MAML3: variants seen among roughly 807,000 people sequenced by gnomAD.
The protein encoded by MAML3 is mastermind-like protein 3.
A neutral mutation model predicts 101.9 loss-of-function variants in MAML3; 27 were observed. That is an observed-to-expected ratio of 0.27 (90% CI 0.20 to 0.37). The LOEUF (loss-of-function observed/expected upper bound fraction) is 0.37, where lower values mean the gene tolerates loss of function less well. Among genes scored for constraint, MAML3 ranks in the 10% least tolerant of loss-of-function variants. The probability of loss-of-function intolerance (pLI) is 1.00; values close to 1 mark genes in which losing one functional copy is unlikely to be tolerated. For missense variants in MAML3, 1,316 were observed against 1,444.9 expected (o/e 0.91, Z 1.45); for synonymous variants, 501 against 555.9 (o/e 0.90, Z 1.39).
At chr4:139,778,736 G>A (rs1022710362) in intron 2 of MAML3, among the ~76,000 whole-genome samples, 7 of 152,222 alleles carry the variant, frequency 4.6e-5, no homozygotes, top group East Asian at 1.9e-4. Flanking sequence ...TGTAATCCCA[G>A]CATTTTGGGA....
intron 2 of MAML3, among the ~76,000 whole-genome samples, chr4:139,776,326 T>C (rs1730095882): frequency 6.6e-6 from 1 of 152,200 alleles, no homozygotes; most frequent in Non-Finnish European, 1.5e-5. Context: ...GATCTGATTA[T>C]GTCTGAAATG....
intron 2 of MAML3, among the ~76,000 whole-genome samples, chr4:139,748,053 T>TAAAAAAAAAA: frequency 1.0e-5 from 1 of 95,536 alleles, no homozygotes; most frequent in Non-Finnish European, 2.1e-5. Context: ...AGACTTCGTC[T>TAAAAAAAAAA]AAAAAAAAAA....
At chr4:139,775,755 C>A (rs1475555673) in intron 2 of MAML3, among the ~76,000 whole-genome samples, 3 of 152,176 alleles carry the variant, frequency 2.0e-5, no homozygotes, top group African/African-American at 7.2e-5. Context: ...CTGTTGCTAT[C>A]ATCTGCTGAC....
At chr4:140,078,028 A>AAAATAAAT (rs34269313) in intron 1 of MAML3, among the ~76,000 whole-genome samples, 1 of 147,960 alleles carries the variant, frequency 6.8e-6, no homozygotes, top group African/African-American at 2.5e-5. Flanking sequence ...AATAAATAAA[A>AAAATAAAT]AAATAAATAA....
At chr4:140,042,274 C>T (rs1395587797) in intron 1 of MAML3, among the ~76,000 whole-genome samples, 1 of 152,136 alleles carries the variant, frequency 6.6e-6, no homozygotes, top group Non-Finnish European at 1.5e-5. Flanking sequence ...GTTTTCTGTA[C>T]CACAAAGGAC....
intron 2 of MAML3, among the ~76,000 whole-genome samples, chr4:139,809,986 A>G (rs925717246): frequency 2.0e-5 from 3 of 152,060 alleles, no homozygotes; most frequent in Admixed American, 6.6e-5. Flanking sequence ...TCAAGAGAAG[A>G]GTTTAGTAAA....
At chr4:139,982,948 G>A (rs948066027) in intron 1 of MAML3, among the ~76,000 whole-genome samples, 2 of 152,140 alleles carry the variant, frequency 1.3e-5, no homozygotes, top group African/African-American at 4.8e-5. Context: ...AAATACGACT[G>A]CTTTTGCCTT....
At chr4:139,772,517 A>T (rs1463575262) in intron 2 of MAML3, among the ~76,000 whole-genome samples, 1 of 150,944 alleles carries the variant, frequency 6.6e-6, no homozygotes, top group East Asian at 2.0e-4. Context: ...AATTTTTCGT[A>T]TTTTCAGTAG....
chr4:140,008,302 G>A (rs570884475), intron 1 of MAML3, among the ~76,000 whole-genome samples: 2 of 152,176 alleles, frequency 1.3e-5, no homozygotes, highest in East Asian at 3.9e-4. Context: ...GGCCCAGATC[G>A]CGCCACTGCA....
chr4:139,980,119 G>A (rs989705220), intron 1 of MAML3, among the ~76,000 whole-genome samples: 30 of 152,124 alleles, frequency 2.0e-4, no homozygotes, highest in African/African-American at 5.6e-4. Context: ...AGCCCAGCCC[G>A]GACTCCAGCT....
intron 2 of MAML3, among the ~76,000 whole-genome samples, chr4:139,753,341 A>AACCT (rs148111271): frequency 1.3e-4 from 19 of 146,578 alleles, no homozygotes; most frequent in African/African-American, 4.8e-4. Flanking sequence ...TTTTCTTTTT[A>AACCT]ATCTATCTAT....
intron 1 of MAML3, among the ~76,000 whole-genome samples, chr4:139,946,055 C>T (rs1733721044): frequency 6.6e-6 from 1 of 152,188 alleles, no homozygotes; most frequent in Admixed American, 6.5e-5. Context: ...ATGGTAGAAT[C>T]AGAATGGAAA....
Position 139,756,136 on chromosome 4 carries a change from C to G in MAML3, c.2080-25469G>C, listed in dbSNP as rs77529264. On this transcript the variant is annotated intron_variant, in intron 2 of 4. Coordinates refer to ENST00000509479, the MANE Select transcript of MAML3 (RefSeq NM_018717.5). ...TGAACATACTGCAGGAGTATAAGAA[C>G]AGCAAAGCATGTAGGTTGTCCGGGG... 1.1e-4 allele frequency among the ~76,000 whole-genome samples: 17 copies of G among 152,258 alleles called. No homozygotes were observed. The East Asian group carries it at 3.3e-3, about 29-fold the overall frequency.
Position 139,719,350 on chromosome 4 carries a change from C to T in MAML3, c.3390G>A (p.Glu1130=). The T allele has an allele frequency of 2.5e-6, 4 of 1,601,556 alleles. No homozygotes were observed. The highest frequency in any genetic ancestry group is 2.6e-6 in the Non-Finnish European group (3 of 1,172,030). Residue 1130 remains glutamate (E), a synonymous_variant, in exon 5 of 5, where the codon GAG becomes GAA. Transcript: ENST00000509479. ...AGGGGTTACCAAACAATTCATCAAG[C>T]TCCTGCATCCACTCGTCCCCTGGCC... The part of the protein sequence containing the change: ...KGGPGDEWMQ[E]LDELFGNP
intron 1 of MAML3, among the ~76,000 whole-genome samples, chr4:139,997,853 T>G (rs1432028611): frequency 6.6e-6 from 1 of 152,124 alleles, no homozygotes; most frequent in Non-Finnish European, 1.5e-5. Flanking sequence ...GATATCTTTT[T>G]CTTTTAGTAT....
chr4:139,753,117 C>T (rs951984163), intron 2 of MAML3, among the ~76,000 whole-genome samples: 1 of 152,140 alleles, frequency 6.6e-6, no homozygotes, highest in Non-Finnish European at 1.5e-5. Flanking sequence ...GGTTACACAC[C>T]ACTCAATTCC....
chr4:140,119,576 GATA>G (rs1201826118), intron 1 of MAML3, among the ~76,000 whole-genome samples: 1 of 148,402 alleles, frequency 6.7e-6, no homozygotes, highest in African/African-American at 2.5e-5. Flanking sequence ...GACACTTTGG[GATA>G]CACAATTTTT....
Position 139,719,776 on chromosome 4 carries a change from G to T in MAML3, c.2964C>A (p.Tyr988Ter). Reference sequence around the variant, plus strand: ...GTCTCGGCTGCCCAGCTTGAAGAGGGTAGCTGGCGCCATTGTTGAATGGTC... The same window carrying T: ...GTCTCGGCTGCCCAGCTTGAAGAGGTTAGCTGGCGCCATTGTTGAATGGTC... The part of the protein sequence containing the change: ...ELGPFNNGAS[Y>*]PLQAGQPRLT... Residue 988 changes from tyrosine to a stop codon, truncating the protein, a stop_gained, in exon 5 of 5, where the codon TAC becomes TAA. Transcript: ENST00000509479. LOFTEE classifies it high-confidence loss of function. 6.2e-7 allele frequency: 1 copy of T among 1,613,656 alleles called. No individual in the cohort carries two copies.
In MAML3 at chr4:140,006,533, C is replaced by G. The variant is rs142951157; in HGVS notation, c.469-115566G>C. The stretch of plus-strand genomic sequence containing the variant: ...CCTGGGAGATGGAGGTTTCAGTGAG[C>G]CGAGATGGCGCCGCTGCACGCCAGC... On this transcript the variant is annotated intron_variant, in intron 1 of 4. Coordinates refer to ENST00000509479, the MANE Select transcript of MAML3 (RefSeq NM_018717.5). 9.8e-3 allele frequency among the ~76,000 whole-genome samples: 1,429 copies of G among 145,298 alleles called. 14 individuals carry two copies. Among genetic ancestry groups the G allele is most frequent in the Non-Finnish European group, 0.016 (1,052 of 67,444 alleles).
Sources: gnomAD v4.1 joint callset for allele counts (sites outside exome capture counted in the v4.1 genomes callset) on GRCh38, gnomAD v4.1.1 for gene constraint, MANE v1.5 for transcripts, NCBI Gene and HGNC (gene_info 2026-07-23, HGNC 2026-07-21) for gene names.